Variants in ITFG1 observed in about 807,000 individuals in gnomAD.
The protein encoded by ITFG1 is integrin alpha FG-GAP repeat containing 1, also known as T-cell immunomodulatory protein.
Under a neutral mutation model 81.8 loss-of-function variants are expected in ITFG1, and 34 were observed. The observed-to-expected ratio is 0.42, with a 90% CI of 0.32 to 0.55. The LOEUF is 0.55. Ranked by LOEUF, ITFG1 falls within the 20% of genes least tolerant of loss-of-function variation. The pLI, the probability that ITFG1 is intolerant of heterozygous loss-of-function variation, is 0.17. For synonymous variants in ITFG1, 285 were observed against 270.6 expected (o/e 1.05, Z -0.52); for missense variants, 672 against 755.4 (o/e 0.89, Z 1.29).
intron 13 of ITFG1, among the ~76,000 whole-genome samples, chr16:47,232,455 T>C (rs1019016962): frequency 6.6e-6 from 1 of 152,148 alleles, no homozygotes; most frequent in Non-Finnish European, 1.5e-5. Context: ...AGAGAACTTC[T>C]GGTATAGTAA....
intron 2 of ITFG1, among the ~76,000 whole-genome samples, chr16:47,457,758 T>C (rs1400032562): frequency 6.6e-6 from 1 of 152,164 alleles, no homozygotes; most frequent in East Asian, 1.9e-4. Flanking sequence ...ACACATGCCA[T>C]TTACATCTTT....
chr16:47,197,147 G>A lies in ITFG1; in HGVS notation c.1453+21721C>T, dbSNP rs557513597. Among the ~76,000 whole-genome samples the A allele has an allele frequency of 2.6e-5, 4 of 152,246 alleles. No homozygotes were observed. In the South Asian group the frequency reaches 8.3e-4, roughly 32 times the overall value. ...ATGGCCATGCAAAGCTGTCTTTTGT[G>A]GAGGAAATGTTACATTTGCAGACAA... On this transcript the variant is annotated intron_variant, in intron 14 of 17. Coordinates refer to ENST00000320640, the MANE Select transcript of ITFG1 (RefSeq NM_030790.5).
At chr16:47,168,060 G>T (rs1964915632) in intron 14 of ITFG1, among the ~76,000 whole-genome samples, 3 of 152,136 alleles carry the variant, frequency 2.0e-5, no homozygotes, top group Admixed American at 2.0e-4. Flanking sequence ...ATGTATGAGG[G>T]TTCCTATTTT....
Position 47,247,760 on chromosome 16 carries a change from G to A in ITFG1, c.1331-9752C>T, listed in dbSNP as rs149310045. Among the ~76,000 whole-genome samples, 45 of 151,960 alleles carry A rather than the reference G, an allele frequency of 3.0e-4. 1 individual carries two copies. Among genetic ancestry groups the A allele is most frequent in the Non-Finnish European group, 8.8e-5 (6 of 67,972 alleles). On this transcript the variant is annotated intron_variant, in intron 12 of 17. Transcript: ENST00000320640. ...TTTCATAATTCTTTGATTCCAAACC[G>A]GGATCTATATTGTTATCTAGTAGTT...
At chr16:47,283,586 G>A (rs548264388) in intron 10 of ITFG1, among the ~76,000 whole-genome samples, 12 of 152,324 alleles carry the variant, frequency 7.9e-5, no homozygotes, top group Non-Finnish European at 1.3e-4. Flanking sequence ...GGGGCCATGA[G>A]CCAAGGAATG....
chr16:47,353,230 A>G (rs1417329891), intron 8 of ITFG1, among the ~76,000 whole-genome samples: 1 of 152,148 alleles, frequency 6.6e-6, no homozygotes, highest in East Asian at 1.9e-4. Context: ...TAAAAAAAAG[A>G]ATCACCACGA....
intron 6 of ITFG1, among the ~76,000 whole-genome samples, chr16:47,405,080 A>G (rs1968711509): frequency 6.6e-6 from 1 of 151,908 alleles, no homozygotes; most frequent in South Asian, 2.1e-4. Context: ...CTTTCCTTTC[A>G]TTATATTGTA....
At chr16:47,415,834 C>T (rs1968866866) in intron 6 of ITFG1, among the ~76,000 whole-genome samples, 1 of 152,114 alleles carries the variant, frequency 6.6e-6, no homozygotes, top group African/African-American at 2.4e-5. Context: ...TGGCTCATGC[C>T]TATAACCCCA....
At chr16:47,307,763 C>T (rs1967193317) in intron 10 of ITFG1, among the ~76,000 whole-genome samples, 1 of 152,016 alleles carries the variant, frequency 6.6e-6, no homozygotes, top group African/African-American at 2.4e-5. Context: ...GCACAGTACC[C>T]CATTGTTAGT....
At chr16:47,418,404 T>TG (rs1968899883) in intron 6 of ITFG1, among the ~76,000 whole-genome samples, 1 of 152,148 alleles carries the variant, frequency 6.6e-6, no homozygotes, top group South Asian at 2.1e-4. Flanking sequence ...ATCTTTTTTT[T>TG]GTTTTTGAAA....
intron 10 of ITFG1, among the ~76,000 whole-genome samples, chr16:47,265,052 T>C (rs1191073113): frequency 6.6e-6 from 1 of 152,152 alleles, no homozygotes; most frequent in Admixed American, 6.5e-5. Flanking sequence ...AAATACATTG[T>C]AAAGTGTTCA....
intron 8 of ITFG1, among the ~76,000 whole-genome samples, chr16:47,322,384 T>A (rs1466147056): frequency 6.6e-6 from 1 of 152,120 alleles, no homozygotes; most frequent in Non-Finnish European, 1.5e-5. Flanking sequence ...ATCTACAACG[T>A]GATGTTTTGA....
intron 2 of ITFG1, among the ~76,000 whole-genome samples, chr16:47,458,141 C>G (rs1292940851): frequency 2.0e-5 from 3 of 152,184 alleles, no homozygotes; most frequent in Non-Finnish European, 2.9e-5. Context: ...ATCATCTCTC[C>G]TTTGCACAAG....
intron 10 of ITFG1, among the ~76,000 whole-genome samples, chr16:47,298,641 T>A (rs1043869992): frequency 2.0e-5 from 3 of 152,180 alleles, no homozygotes; most frequent in African/African-American, 7.2e-5. Flanking sequence ...ACTGGGTGGA[T>A]GAAGAAGCCA....
chr16:47,374,850 C>T (rs972225425), intron 7 of ITFG1, among the ~76,000 whole-genome samples: 11 of 152,072 alleles, frequency 7.2e-5, no homozygotes, highest in African/African-American at 2.7e-4. Flanking sequence ...AACCCCCCAT[C>T]GTAGTTTCCT....
intron 14 of ITFG1, among the ~76,000 whole-genome samples, chr16:47,183,762 T>G (rs1335605522): frequency 6.6e-6 from 1 of 152,184 alleles, no homozygotes; most frequent in African/African-American, 2.4e-5. Flanking sequence ...AGTTCCTCAC[T>G]AGCAACGGAA....
Position 47,294,302 on chromosome 16 carries a change from C to T in ITFG1, c.1070+16938G>A, listed in dbSNP as rs564367201. Among the ~76,000 whole-genome samples, 6 of 152,042 alleles carry T rather than the reference C, an allele frequency of 3.9e-5. No homozygotes were observed. In the South Asian group the frequency reaches 1.2e-3, roughly 32 times the overall value. On this transcript the variant is annotated intron_variant, in intron 10 of 17. Coordinates refer to ENST00000320640, the MANE Select transcript of ITFG1 (RefSeq NM_030790.5). ...TTGAGATAAGATAATATGATGACTC[C>T]AGGTTTGCTTTTGCTCAGGAGTGCT...
At chr16:47,258,799 T>A (rs1171612151) in intron 11 of ITFG1, 59 bp from the exon 12 acceptor site, 7 of 696,866 alleles carry the variant, frequency 1.0e-5, no homozygotes, top group African/African-American at 3.7e-5. Context: ...AAAAAAAAAA[T>A]GACCATTAAA....
intron 8 of ITFG1, among the ~76,000 whole-genome samples, chr16:47,351,701 G>T (rs1394995491): frequency 7.1e-6 from 1 of 140,954 alleles, no homozygotes; most frequent in African/African-American, 2.7e-5. Flanking sequence ...CAGAGAATTG[G>T]AAAAAGCTAC....
Sources: gnomAD v4.1 joint callset for allele counts (sites outside exome capture counted in the v4.1 genomes callset) on GRCh38, gnomAD v4.1.1 for gene constraint, MANE v1.5 for transcripts, NCBI Gene and HGNC (gene_info 2026-07-23, HGNC 2026-07-21) for gene names.